The following DAB1 variants were observed in gnomAD, a reference collection of about 807,000 sequenced individuals.
DAB1 encodes disabled homolog 1.
DAB1 carries 15 observed loss-of-function variants against 64.6 expected under a neutral mutation model. The ratio of observed to expected loss-of-function variants is 0.23; its 90% CI spans 0.16 to 0.36. The LOEUF is 0.36. DAB1 is among the 10% of genes least tolerant of loss of function. The pLI, the probability that DAB1 is intolerant of heterozygous loss-of-function variation, is 1.00. For synonymous variants in DAB1, 235 were observed against 251.9 expected (o/e 0.93, Z 0.64); for missense variants, 596 against 706.7 (o/e 0.84, Z 1.78).
intron 2 of DAB1, among the ~76,000 whole-genome samples, chr1:57,212,530 G>A (rs902386932): frequency 4.4e-4 from 66 of 151,496 alleles, no homozygotes; most frequent in Non-Finnish European, 5.2e-4. Context: ...ACCACGCCTG[G>A]CTAACTTTTT....
chr1:57,851,670 T>C (rs922875630), intron 1 of DAB1, among the ~76,000 whole-genome samples: 1 of 152,220 alleles, frequency 6.6e-6, no homozygotes, highest in Non-Finnish European at 1.5e-5. Flanking sequence ...AACATAGATA[T>C]TAGAAGAGTC....
intron 6 of DAB1, among the ~76,000 whole-genome samples, chr1:57,661,264 G>C (rs1047093514): frequency 6.6e-6 from 1 of 152,198 alleles, no homozygotes; most frequent in Non-Finnish European, 1.5e-5. Flanking sequence ...TAGTGTAGTG[G>C]AAAGGATAGG....
chr1:58,065,114 G>A (rs892166194), intron 5 of DAB1, among the ~76,000 whole-genome samples: 2 of 152,174 alleles, frequency 1.3e-5, no homozygotes, highest in African/African-American at 4.8e-5. Context: ...CCCCATGAAT[G>A]AATTGACTAT....
At chr1:57,505,271 G>A (rs949241075) in intron 7 of DAB1, among the ~76,000 whole-genome samples, 10 of 152,080 alleles carry the variant, frequency 6.6e-5, no homozygotes, top group African/African-American at 1.9e-4. Context: ...CCATTACATC[G>A]CAGCCACACT....
chr1:57,701,208 A>G (rs1043253535), intron 6 of DAB1, among the ~76,000 whole-genome samples: 2 of 152,034 alleles, frequency 1.3e-5, no homozygotes, highest in East Asian at 1.9e-4. Context: ...TACTGGGTAT[A>G]TACCCAAAGG....
At chr1:57,984,818 T>C (rs1646172575) in intron 5 of DAB1, among the ~76,000 whole-genome samples, 2 of 152,158 alleles carry the variant, frequency 1.3e-5, no homozygotes, top group African/African-American at 2.4e-5. Context: ...TTGGAGAGCA[T>C]AGAGTTCAAT....
chr1:58,140,167 TCTACCAA>T (rs1654198307), intron 5 of DAB1, among the ~76,000 whole-genome samples: 1 of 152,232 alleles, frequency 6.6e-6, no homozygotes, highest in Non-Finnish European at 1.5e-5. Flanking sequence ...CAGGTCTTTC[TCTACCAA>T]GGTAATTCTC....
At chr1:57,401,132 G>A (rs148698603) in intron 1 of DAB1, among the ~76,000 whole-genome samples, 71 of 152,160 alleles carry the variant, frequency 4.7e-4, no homozygotes, top group African/African-American at 1.5e-3. Flanking sequence ...TGCATGAAAT[G>A]ATTTACCTCT....
chr1:58,381,620 T>C (rs1644390076), intron 3 of DAB1, among the ~76,000 whole-genome samples: 1 of 152,204 alleles, frequency 6.6e-6, no homozygotes, highest in Non-Finnish European at 1.5e-5. Flanking sequence ...GGATACAGTT[T>C]GAAGACCAAA....
chr1:57,333,814 C>A (rs1676870786), intron 1 of DAB1, among the ~76,000 whole-genome samples: 1 of 152,172 alleles, frequency 6.6e-6, no homozygotes, highest in African/African-American at 2.4e-5. Flanking sequence ...TTATTATAAT[C>A]TGTGTCTATG....
intron 1 of DAB1, among the ~76,000 whole-genome samples, chr1:57,337,181 T>C (rs1291529819): frequency 5.3e-5 from 8 of 152,252 alleles, no homozygotes; most frequent in Admixed American, 4.6e-4. Flanking sequence ...CATGGACTAC[T>C]GTAACAGCTT....
chr1:58,085,379 A>AT (rs1372934713), intron 5 of DAB1, among the ~76,000 whole-genome samples: 1 of 152,036 alleles, frequency 6.6e-6, no homozygotes, highest in African/African-American at 2.4e-5. Flanking sequence ...TTATTTATTT[A>AT]TTTTTTGAGA....
intron 7 of DAB1, among the ~76,000 whole-genome samples, chr1:57,620,711 G>A (rs1158415189): frequency 2.6e-5 from 4 of 152,164 alleles, no homozygotes; most frequent in Admixed American, 2.6e-4. Flanking sequence ...AGCAGGAGTA[G>A]GGGAGAGAAC....
intron 7 of DAB1, among the ~76,000 whole-genome samples, chr1:57,579,193 G>A (rs1338653297): frequency 6.6e-6 from 1 of 152,174 alleles, no homozygotes; most frequent in African/African-American, 2.4e-5. Flanking sequence ...AGCAAGCCAG[G>A]GACTGAGAGC....
At chr1:58,370,166 G>T (rs1644251359) in intron 3 of DAB1, among the ~76,000 whole-genome samples, 3 of 152,122 alleles carry the variant, frequency 2.0e-5, no homozygotes. Flanking sequence ...CATCAATAGG[G>T]GAACGGATTT....
intron 2 of DAB1, among the ~76,000 whole-genome samples, chr1:57,198,891 T>C (rs948982917): frequency 1.3e-5 from 2 of 151,824 alleles, no homozygotes; most frequent in South Asian, 2.1e-4. Flanking sequence ...GTGTGTTGAG[T>C]GTGGAATAGG....
intron 3 of DAB1, among the ~76,000 whole-genome samples, chr1:58,436,009 C>T (rs1226877346): frequency 6.6e-6 from 1 of 152,204 alleles, no homozygotes; most frequent in Non-Finnish European, 1.5e-5. Context: ...TAGAAGCCAT[C>T]CCCAGCACCA....
intron 7 of DAB1, among the ~76,000 whole-genome samples, chr1:57,630,444 C>A (rs1240741967): frequency 6.6e-6 from 1 of 152,022 alleles, no homozygotes; most frequent in Non-Finnish European, 1.5e-5. Context: ...ATTATTTCTG[C>A]GAGAAAAAAA....
chr1:57,696,115 CA>C (rs149433555), intron 6 of DAB1, among the ~76,000 whole-genome samples: 200 of 152,260 alleles, frequency 1.3e-3, no homozygotes, highest in African/African-American at 4.6e-3. Flanking sequence ...ACGTATTTCA[CA>C]GGCTTAGCAG....
Sources: gnomAD v4.1 joint callset for allele counts (sites outside exome capture counted in the v4.1 genomes callset) on GRCh38, gnomAD v4.1.1 for gene constraint, MANE v1.5 for transcripts, NCBI Gene and HGNC (gene_info 2026-07-23, HGNC 2026-07-21) for gene names.